Variants in RANBP17 observed in about 807,000 individuals in gnomAD.
The protein encoded by RANBP17 is ran-binding protein 17.
RANBP17 carries 158 observed loss-of-function variants against 141.2 expected under a neutral mutation model. That is an observed-to-expected ratio of 1.12 (90% CI 0.98 to 1.28). The LOEUF (loss-of-function observed/expected upper bound fraction) is 1.28, where lower values mean the gene tolerates loss of function less well. Ranked by LOEUF, RANBP17 falls within the 50% of genes most tolerant of loss-of-function variation. RANBP17 has a pLI of 0.00. For synonymous variants in RANBP17, 430 were observed against 450.0 expected (o/e 0.96, Z 0.56); for missense variants, 1,438 against 1,290.7 (o/e 1.11, Z -1.75).
chr5:171,284,136 C>T (rs901592464), intron 25 of RANBP17, among the ~76,000 whole-genome samples: 7 of 152,136 alleles, frequency 4.6e-5, no homozygotes, highest in Admixed American at 1.3e-4. Flanking sequence ...TTACTATAAA[C>T]GTGTGCTTGT....
chr5:171,077,211 G>A (rs1784984638), intron 14 of RANBP17, among the ~76,000 whole-genome samples: 1 of 151,986 alleles, frequency 6.6e-6, no homozygotes, highest in African/African-American at 2.4e-5. Context: ...GTGGTGGCGG[G>A]CGCCTGTAGT....
rs1775369991 is a variant in RANBP17, at chr5:170,953,579, T to A, written c.1469-18T>A. ...TATGAATACTTACTAAACTTTTTTCTTCCTTATTCTATATTAGGACGTCTT... is the reference window on the plus strand; with the variant it reads ...TATGAATACTTACTAAACTTTTTTCATCCTTATTCTATATTAGGACGTCTT... On this transcript the variant is annotated intron_variant, in intron 12 of 27. Transcript: ENST00000523189. The A allele has an allele frequency of 6.5e-7, 1 of 1,538,854 alleles. No individual in the cohort carries two copies.
intron 2 of RANBP17, among the ~76,000 whole-genome samples, chr5:170,880,486 A>G (rs1768567594): frequency 6.6e-6 from 1 of 152,170 alleles, no homozygotes; most frequent in African/African-American, 2.4e-5. Flanking sequence ...TGGCTGTGTG[A>G]TTGGCTAACA....
chr5:170,927,150 A>AG (rs1178127128), intron 12 of RANBP17, among the ~76,000 whole-genome samples: 1 of 152,126 alleles, frequency 6.6e-6, no homozygotes, highest in African/African-American at 2.4e-5. Flanking sequence ...GTTGAGTGGA[A>AG]GGTTAATGTA....
At chr5:171,139,950 C>G (rs998497354) in intron 14 of RANBP17, among the ~76,000 whole-genome samples, 1 of 152,204 alleles carries the variant, frequency 6.6e-6, no homozygotes, top group African/African-American at 2.4e-5. Context: ...ACTCGTCTAG[C>G]CAGCCCACTG....
At chr5:170,986,946 TTAAAA>T (rs1252018533) in intron 14 of RANBP17, among the ~76,000 whole-genome samples, 3 of 151,858 alleles carry the variant, frequency 2.0e-5, no homozygotes, top group Non-Finnish European at 4.4e-5. Flanking sequence ...CAATCCAATG[TTAAAA>T]TAATGTACTA....
At chr5:171,252,461 G>A (rs1581122985) in intron 24 of RANBP17, 1 of 1,484,418 alleles carries the variant, frequency 6.7e-7, no homozygotes, top group East Asian at 2.3e-5. Context: ...CACTGCTTAA[G>A]GGCTTTCAGC....
At chr5:171,114,402 T>G (rs1414169680) in intron 14 of RANBP17, among the ~76,000 whole-genome samples, 2 of 152,144 alleles carry the variant, frequency 1.3e-5, no homozygotes, top group Non-Finnish European at 2.9e-5. Context: ...GTTTACCTGC[T>G]CCAGGAGCTT....
At chr5:171,025,315 T>G (rs556094915) in intron 14 of RANBP17, among the ~76,000 whole-genome samples, 3 of 152,202 alleles carry the variant, frequency 2.0e-5, no homozygotes, top group Non-Finnish European at 4.4e-5. Context: ...CCATGGTTTA[T>G]AGAGTCCACT....
intron 18 of RANBP17, among the ~76,000 whole-genome samples, chr5:171,185,203 A>G (rs79517921): frequency 0.066 from 9,999 of 152,280 alleles, 443 homozygotes; most frequent in East Asian, 0.12. Context: ...TATTGCTAAA[A>G]AATTCTAGCA....
chr5:170,957,962 A>C (rs540008783), intron 13 of RANBP17, among the ~76,000 whole-genome samples: 1 of 152,364 alleles, frequency 6.6e-6, no homozygotes, highest in Admixed American at 6.5e-5. Flanking sequence ...GCAATGGTTC[A>C]TTATTCACTA....
At chr5:171,158,959 A>G (rs1581760020) in intron 14 of RANBP17, among the ~76,000 whole-genome samples, 1 of 152,218 alleles carries the variant, frequency 6.6e-6, no homozygotes, top group Non-Finnish European at 1.5e-5. Context: ...AGAAATATCT[A>G]GGAAATATCA....
intron 14 of RANBP17, among the ~76,000 whole-genome samples, chr5:171,158,744 A>G (rs1429078798): frequency 6.6e-6 from 1 of 150,900 alleles, no homozygotes; most frequent in Non-Finnish European, 1.5e-5. Context: ...AAATGTTTTC[A>G]TGCTTGTTGG....
At chr5:171,117,779 C>A (rs1315359296) in intron 14 of RANBP17, among the ~76,000 whole-genome samples, 3 of 152,070 alleles carry the variant, frequency 2.0e-5, no homozygotes, top group African/African-American at 4.8e-5. Flanking sequence ...AGACGTGAGC[C>A]ACTGCACCTG....
At chr5:171,046,341 T>TG (rs1358620480) in intron 14 of RANBP17, among the ~76,000 whole-genome samples, 3 of 151,802 alleles carry the variant, frequency 2.0e-5, no homozygotes, top group African/African-American at 7.3e-5. Flanking sequence ...CCCGAGTAGC[T>TG]GGGACTACAG....
intron 1 of RANBP17, among the ~76,000 whole-genome samples, chr5:170,874,308 G>GT (rs1767989039): frequency 6.6e-6 from 1 of 152,204 alleles, no homozygotes; most frequent in Non-Finnish European, 1.5e-5. Flanking sequence ...TGTATATTCT[G>GT]TTTTGGGGTG....
At chr5:170,949,030 C>T (rs1774995015) in intron 12 of RANBP17, among the ~76,000 whole-genome samples, 1 of 152,048 alleles carries the variant, frequency 6.6e-6, no homozygotes, top group Non-Finnish European at 1.5e-5. Flanking sequence ...TGATGTGGGC[C>T]TGTGATCCCA....
In RANBP17 at chr5:171,228,441, G is replaced by A. The variant is rs569034812; in HGVS notation, c.2422+6601G>A. ...TCATGATAAAACTTGAATGGATGAG[G>A]AGTTGCTTCTTCTGGATGACCAAAG... On this transcript the variant is annotated intron_variant, in intron 22 of 27. Coordinates refer to ENST00000523189, the MANE Select transcript of RANBP17 (RefSeq NM_022897.5). Among the ~76,000 whole-genome samples, 3 of 152,314 alleles carry A rather than the reference G, an allele frequency of 2.0e-5. No homozygotes were observed. In the South Asian group the frequency reaches 6.2e-4, roughly 32 times the overall value.
chr5:171,115,870 A>G (rs2127766040), intron 14 of RANBP17, among the ~76,000 whole-genome samples: 1 of 152,342 alleles, frequency 6.6e-6, no homozygotes, highest in South Asian at 2.1e-4. Flanking sequence ...ACTTGGTATT[A>G]CCTAAAACTT....
Sources: allele counts gnomAD v4.1 joint callset (sites outside exome capture counted in the v4.1 genomes callset), GRCh38; gene constraint gnomAD v4.1.1; transcripts MANE v1.5; gene names NCBI Gene and HGNC (gene_info 2026-07-23, HGNC 2026-07-21).